Variants in CCDC66 observed in about 807,000 individuals in gnomAD.
The protein encoded by CCDC66 is coiled-coil domain-containing protein 66.
A neutral mutation model predicts 128.3 loss-of-function variants in CCDC66; 133 were observed. The observed-to-expected ratio is 1.04, with a 90% confidence interval of 0.90 to 1.20. CCDC66 has a LOEUF of 1.20. CCDC66 is among the 50% of genes most tolerant of loss of function. The pLI, the probability that CCDC66 is intolerant of heterozygous loss-of-function variation, is 0.00. For missense variants in CCDC66, 1,126 were observed against 1,075.5 expected, an observed-to-expected ratio of 1.05 and a Z score of -0.66; for synonymous variants, 387 against 357.0, an observed-to-expected ratio of 1.08 and a Z score of -0.95.
intron 7 of CCDC66, among the ~76,000 whole-genome samples, chr3:56,585,123 GA>G (rs2069420064): frequency 4.9e-5 from 3 of 61,226 alleles, no homozygotes; most frequent in Non-Finnish European, 2.1e-4. Context: ...GGGAGGGGGA[GA>G]GGGAGAGGGA....
chr3:56,557,336 C>G (rs1297818375), intron 1 of CCDC66, 83 bp downstream of exon 1: 1 of 1,512,316 alleles, frequency 6.6e-7, no homozygotes, highest in African/African-American at 1.4e-5. Context: ...TGGGTTGTCC[C>G]TTGGAGTCTT....
chr3:56,597,110 C>G (rs2072119202), intron 10 of CCDC66, among the ~76,000 whole-genome samples: 1 of 151,864 alleles, frequency 6.6e-6, no homozygotes. Context: ...TTTCATTCCT[C>G]TGCATATAGA....
chr3:56,616,287 T>A (rs2075497892), intron 13 of CCDC66: 1 of 388,804 alleles, frequency 2.6e-6, no homozygotes, highest in Non-Finnish European at 4.6e-6. Flanking sequence ...CAATCAATTC[T>A]AAAACATTTT....
chr3:56,564,192 A>G, intron 4 of CCDC66, 67 bp downstream of exon 4: 1 of 1,197,226 alleles, frequency 8.4e-7, no homozygotes, highest in Middle Eastern at 2.0e-4. Context: ...TATCAGATTC[A>G]TTGGGTTTTA....
At chr3:56,589,314 A>T (rs183528069) in intron 7 of CCDC66, among the ~76,000 whole-genome samples, 1 of 152,304 alleles carries the variant, frequency 6.6e-6, no homozygotes. Flanking sequence ...AAACCCAACA[A>T]AATAAACTCC....
intron 10 of CCDC66, among the ~76,000 whole-genome samples, chr3:56,598,913 A>G (rs2072631552): frequency 6.6e-6 from 1 of 151,990 alleles, no homozygotes; most frequent in South Asian, 2.1e-4. Context: ...TGGCTTTGGT[A>G]TCAGGGTAAT....
intron 7 of CCDC66, among the ~76,000 whole-genome samples, chr3:56,575,951 A>G (rs892454877): frequency 1.3e-5 from 2 of 151,728 alleles, no homozygotes; most frequent in African/African-American, 4.8e-5. Flanking sequence ...CTGCCTCACC[A>G]TCAGGAACTA....
chr3:56,584,650 G>C (rs942650045), intron 7 of CCDC66, among the ~76,000 whole-genome samples: 3 of 151,760 alleles, frequency 2.0e-5, no homozygotes, highest in African/African-American at 7.2e-5. Flanking sequence ...CCAGACGATG[G>C]GCAGCCAGGC....
chr3:56,605,701 C>CT (rs2073965418), intron 10 of CCDC66, among the ~76,000 whole-genome samples: 1 of 152,030 alleles, frequency 6.6e-6, no homozygotes, highest in Non-Finnish European at 1.5e-5. Flanking sequence ...TATGAAGTGT[C>CT]TGTCAGCCCC....
At chr3:56,574,138 C>T (rs1056156382) in intron 7 of CCDC66, among the ~76,000 whole-genome samples, 8 of 151,316 alleles carry the variant, frequency 5.3e-5, no homozygotes, top group African/African-American at 1.2e-4. Context: ...CCGAGGTGGG[C>T]GGATCACGAG....
At chr3:56,586,844 G>C (rs2069853441) in intron 7 of CCDC66, among the ~76,000 whole-genome samples, 1 of 151,832 alleles carries the variant, frequency 6.6e-6, no homozygotes, top group Non-Finnish European at 1.5e-5. Flanking sequence ...TGAGCCAAGA[G>C]TTTGAGACCA....
In CCDC66 at chr3:56,593,070, G is replaced by T. The variant is rs1206988491; in HGVS notation, c.1037G>T (p.Arg346Ile). The T allele has an allele frequency of 1.9e-6, 3 of 1,601,088 alleles. No homozygotes were observed. The African/African-American group carries it at 4.0e-5, about 22-fold the overall frequency. ...AAGCAAATAGAAGATGACCGTCAAAGAAAAATAGAGGAAAAAATTATATAT... is the reference window on the plus strand; with the variant it reads ...AAGCAAATAGAAGATGACCGTCAAATAAAAATAGAGGAAAAAATTATATAT... Reference protein sequence around the residue: ...LNKQIEDDRQRKIEEKIIYSK... With the variant: ...LNKQIEDDRQIKIEEKIIYSK... Residue 346 changes from arginine (R) to isoleucine (I), a missense_variant, in exon 8 of 18, where the codon AGA becomes ATA. Arg to Ile is a moderately conservative substitution (Grantham distance 97). Coordinates refer to ENST00000394672, the MANE Select transcript of CCDC66 (RefSeq NM_001141947.3).
At chr3:56,575,430 G>GT (rs1427404949) in intron 7 of CCDC66, among the ~76,000 whole-genome samples, 1 of 151,686 alleles carries the variant, frequency 6.6e-6, no homozygotes, top group Non-Finnish European at 1.5e-5. Flanking sequence ...TTTCAGTCAG[G>GT]TTTTTTGGGG....
chr3:56,562,741 C>T lies in CCDC66; in HGVS notation c.103-943C>T, dbSNP rs549119556. On this transcript the variant is annotated intron_variant, in intron 3 of 17. Coordinates refer to ENST00000394672, the MANE Select transcript of CCDC66 (RefSeq NM_001141947.3). ...GCAACCTCTGCCTTCTGGGTTCAAG[C>T]GATTCTCTTGCCTCAGCCCCTCGAG... Among the ~76,000 whole-genome samples the T allele has an allele frequency of 5.7e-4, 86 of 151,898 alleles. 2 individuals carry two copies. The South Asian group carries it at 0.017, about 29-fold the overall frequency.
chr3:56,607,328 T>C (rs980710098), intron 10 of CCDC66, among the ~76,000 whole-genome samples: 8 of 152,294 alleles, frequency 5.3e-5, no homozygotes, highest in African/African-American at 1.9e-4. Context: ...TCAGCAGCGT[T>C]TTGTAGTTTT....
intron 3 of CCDC66, among the ~76,000 whole-genome samples, chr3:56,562,296 C>T (rs1222669726): frequency 4.6e-5 from 7 of 151,888 alleles, no homozygotes; most frequent in East Asian, 1.9e-4. Context: ...GCGATCCTTC[C>T]GCCTCAGCCT....
At chr3:56,616,257 C>A in intron 13 of CCDC66, 2 of 445,580 alleles carry the variant, frequency 4.5e-6, no homozygotes, top group Admixed American at 4.3e-5. Flanking sequence ...TTTTGGTATT[C>A]AGTGGTGCAA....
chr3:56,593,722 G>A lies in CCDC66; in HGVS notation c.1300G>A (p.Ala434Thr), dbSNP rs1245000402. ...IAKPIKDVVM[A>T]NSKKTNFLRS... ...AAAACCTATTAAGGATGTGGTTATG[G>A]CAAACAGTAAGAAAACAAAGTAAGT... The change falls in exon 9 of 18, where the codon GCA (alanine) becomes ACA (threonine). Residue 434 changes from alanine to threonine, a missense_variant. Coordinates refer to ENST00000394672, the MANE Select transcript of CCDC66 (RefSeq NM_001141947.3). 1 of 1,612,390 alleles carries A rather than the reference G, an allele frequency of 6.2e-7. No individual in the cohort carries two copies. Among genetic ancestry groups the A allele is most frequent in the South Asian group, 1.1e-5 (1 of 91,056 alleles).
At chr3:56,571,361 ATT>A in intron 7 of CCDC66, 59 bp downstream of exon 7, 1 of 1,163,068 alleles carries the variant, frequency 8.6e-7, no homozygotes, top group Non-Finnish European at 1.2e-6. Context: ...TATAGAATTT[ATT>A]TTTAAAGCTT....
Sources: allele counts gnomAD v4.1 joint callset (sites outside exome capture counted in the v4.1 genomes callset), GRCh38; gene constraint gnomAD v4.1.1; transcripts MANE v1.5; gene names NCBI Gene and HGNC (gene_info 2026-07-23, HGNC 2026-07-21).